Variants in GPC5 observed in about 807,000 individuals in gnomAD.
The protein encoded by GPC5 is glypican-5.
A neutral mutation model predicts 53.9 loss-of-function variants in GPC5; 47 were observed. That is an observed-to-expected ratio of 0.87 (90% CI 0.69 to 1.11). The LOEUF (loss-of-function observed/expected upper bound fraction) is 1.11, where lower values mean the gene tolerates loss of function less well. Ranked by LOEUF, GPC5 falls within the 50% of genes most tolerant of loss-of-function variation. GPC5 has a pLI of 0.00. For synonymous variants in GPC5, 286 were observed against 263.3 expected (o/e 1.09, Z -0.84); for missense variants, 748 against 713.1 (o/e 1.05, Z -0.56).
intron 2 of GPC5, among the ~76,000 whole-genome samples, chr13:91,615,621 A>G (rs1378205227): frequency 6.6e-6 from 1 of 152,150 alleles, no homozygotes; most frequent in African/African-American, 2.4e-5. Context: ...GAGAGGTCAC[A>G]GTGGTAATAT....
chr13:91,606,672 G>T (rs1292190103), intron 2 of GPC5, among the ~76,000 whole-genome samples: 1 of 148,646 alleles, frequency 6.7e-6, no homozygotes, highest in African/African-American at 2.5e-5. Context: ...CTTCTTCCTG[G>T]TTTAGTCTTG....
intron 7 of GPC5, among the ~76,000 whole-genome samples, chr13:92,842,968 A>G (rs1878481318): frequency 6.6e-6 from 1 of 152,194 alleles, no homozygotes; most frequent in Non-Finnish European, 1.5e-5. Flanking sequence ...AACGACATAG[A>G]TCCACTGATT....
At chr13:92,217,295 T>C (rs1373134602) in intron 7 of GPC5, among the ~76,000 whole-genome samples, 1 of 152,224 alleles carries the variant, frequency 6.6e-6, no homozygotes. Flanking sequence ...CTAAGCCTTC[T>C]CCTAATATCA....
chr13:92,083,949 G>C (rs2041316523), intron 6 of GPC5, among the ~76,000 whole-genome samples: 1 of 152,152 alleles, frequency 6.6e-6, no homozygotes, highest in African/African-American at 2.4e-5. Flanking sequence ...GTCATAAAAA[G>C]GAATGAGATC....
At chr13:91,448,338 G>A (rs1880943774) in intron 1 of GPC5, among the ~76,000 whole-genome samples, 1 of 152,110 alleles carries the variant, frequency 6.6e-6, no homozygotes, top group South Asian at 2.1e-4. Context: ...TTTATGTGAT[G>A]TTCAAAATTC....
intron 6 of GPC5, among the ~76,000 whole-genome samples, chr13:92,093,958 T>G (rs577786330): frequency 2.9e-4 from 44 of 152,334 alleles, no homozygotes; most frequent in African/African-American, 1.1e-3. Context: ...AAATAGTAAA[T>G]TTTAGATGAT....
At chr13:91,655,084 C>G (rs933300245) in intron 2 of GPC5, among the ~76,000 whole-genome samples, 9 of 152,076 alleles carry the variant, frequency 5.9e-5, no homozygotes, top group African/African-American at 2.2e-4. Context: ...CTCCATGTAT[C>G]AGGTACAAAT....
intron 7 of GPC5, among the ~76,000 whole-genome samples, chr13:92,361,793 A>G (rs578119888): frequency 2.0e-5 from 3 of 151,836 alleles, no homozygotes; most frequent in African/African-American, 7.3e-5. Context: ...AGATTATACA[A>G]TTATATGTAA....
At chr13:91,700,112 CCTT>C (rs1339644129) in intron 3 of GPC5, among the ~76,000 whole-genome samples, 4 of 151,990 alleles carry the variant, frequency 2.6e-5, no homozygotes, top group Admixed American at 6.6e-5. Flanking sequence ...AGCTCTGAAT[CCTT>C]CTTATTTTGG....
chr13:91,638,351 ATTTC>A (rs2034334940), intron 2 of GPC5, among the ~76,000 whole-genome samples: 3 of 150,648 alleles, frequency 2.0e-5, no homozygotes, highest in Admixed American at 6.6e-5. Flanking sequence ...TACAATAGAC[ATTTC>A]TTTCTTTTTC....
At chr13:92,033,783 A>G (rs1170979547) in intron 6 of GPC5, among the ~76,000 whole-genome samples, 2 of 152,176 alleles carry the variant, frequency 1.3e-5, no homozygotes, top group African/African-American at 4.8e-5. Context: ...TATAGGGCGG[A>G]GTCTGCATTC....
chr13:92,249,231 C>G (rs1026275653), intron 7 of GPC5, among the ~76,000 whole-genome samples: 2 of 151,988 alleles, frequency 1.3e-5, no homozygotes, highest in African/African-American at 4.8e-5. Context: ...TATAGTTTTG[C>G]CACTGCAAAC....
At chr13:91,630,997 G>T (rs1327830310) in intron 2 of GPC5, among the ~76,000 whole-genome samples, 2 of 151,968 alleles carry the variant, frequency 1.3e-5, no homozygotes, top group African/African-American at 4.8e-5. Flanking sequence ...GTCCCTCTCT[G>T]CCTGATTCTT....
At chr13:92,341,355 T>C (rs74644524) in intron 7 of GPC5, among the ~76,000 whole-genome samples, 2,699 of 152,184 alleles carry the variant, frequency 0.018, 92 homozygotes, top group African/African-American at 0.062. Flanking sequence ...TTGTATCATA[T>C]ATTGTCAACT....
intron 6 of GPC5, among the ~76,000 whole-genome samples, chr13:91,917,066 T>A (rs183938971): frequency 9.0e-4 from 137 of 152,150 alleles, no homozygotes; most frequent in Non-Finnish European, 1.7e-3. Context: ...AACCCAAAAG[T>A]CCAAGTCCAA....
chr13:91,581,518 G>A (rs2032359186), intron 2 of GPC5, among the ~76,000 whole-genome samples: 1 of 152,046 alleles, frequency 6.6e-6, no homozygotes, highest in African/African-American at 2.4e-5. Flanking sequence ...CTGCCTTCTG[G>A]TTTCTTCTCC....
intron 7 of GPC5, among the ~76,000 whole-genome samples, chr13:92,537,075 C>G (rs1383621671): frequency 6.6e-6 from 1 of 151,950 alleles, no homozygotes; most frequent in African/African-American, 2.4e-5. Context: ...AGAACTGTTA[C>G]CACATTTAAA....
intron 7 of GPC5, among the ~76,000 whole-genome samples, chr13:92,570,950 C>T (rs1488486590): frequency 1.3e-5 from 2 of 152,108 alleles, no homozygotes; most frequent in African/African-American, 2.4e-5. Context: ...ACATAGCTGG[C>T]GAGTGACTGC....
At chr13:92,345,536 C>T (rs1238349951) in intron 7 of GPC5, among the ~76,000 whole-genome samples, 1 of 152,126 alleles carries the variant, frequency 6.6e-6, no homozygotes, top group Admixed American at 6.6e-5. Context: ...AAAAACCACG[C>T]ATCTTTTTGA....
Sources: allele counts gnomAD v4.1 joint callset (sites outside exome capture counted in the v4.1 genomes callset), GRCh38; gene constraint gnomAD v4.1.1; transcripts MANE v1.5; gene names NCBI Gene and HGNC (gene_info 2026-07-23, HGNC 2026-07-21).